The following RAB7A variants were observed in gnomAD, a reference collection of about 807,000 sequenced individuals.
The protein encoded by RAB7A is RAB7A, member RAS oncogene family.
Under a neutral mutation model 24.5 loss-of-function variants are expected in RAB7A, and 2 were observed. The observed-to-expected ratio is 0.08, with a 90% CI of 0.03 to 0.26. RAB7A has a LOEUF of 0.26. Among genes scored for constraint, RAB7A ranks in the 10% least tolerant of loss-of-function variants. RAB7A has a pLI of 1.00. For synonymous variants in RAB7A, 100 were observed against 95.9 expected, an observed-to-expected ratio of 1.04 and a Z score of -0.25; for missense variants, 118 against 255.7, an observed-to-expected ratio of 0.46 and a Z score of 3.67.
chr3:128,812,432 A>C (rs1933947778), intron 5 of RAB7A, among the ~76,000 whole-genome samples: 1 of 152,058 alleles, frequency 6.6e-6, no homozygotes, highest in African/African-American at 2.4e-5. Flanking sequence ...TTATTTTTTT[A>C]AGTATGTATT....
chr3:128,733,487 C>T (rs2070457924), intron 1 of RAB7A, among the ~76,000 whole-genome samples: 1 of 152,320 alleles, frequency 6.6e-6, no homozygotes, highest in Middle Eastern at 3.4e-3. Context: ...GCTGCCGTAA[C>T]AAGTATCACA....
At chr3:128,787,435 TC>T (rs1423127664) in intron 1 of RAB7A, among the ~76,000 whole-genome samples, 4 of 152,292 alleles carry the variant, frequency 2.6e-5, no homozygotes, top group Admixed American at 6.5e-5. Context: ...TTGTTAAAAG[TC>T]CCAGCCCTCA....
At chr3:128,736,618 A>G (rs915396072) in intron 1 of RAB7A, among the ~76,000 whole-genome samples, 1 of 152,226 alleles carries the variant, frequency 6.6e-6, no homozygotes, top group Non-Finnish European at 1.5e-5. Context: ...CAGCACGTAC[A>G]GTTTAAATCC....
chr3:128,758,868 A>T (rs1223137347), intron 1 of RAB7A, among the ~76,000 whole-genome samples: 1 of 152,166 alleles, frequency 6.6e-6, no homozygotes, highest in Non-Finnish European at 1.5e-5. Context: ...CTTAAGATTT[A>T]ACATATGAGT....
At chr3:128,756,343 C>G (rs1389744536) in intron 1 of RAB7A, among the ~76,000 whole-genome samples, 1 of 148,970 alleles carries the variant, frequency 6.7e-6, no homozygotes, top group Non-Finnish European at 1.5e-5. Flanking sequence ...GCCTGGGCAA[C>G]AGAGCAAGAC....
At chr3:128,761,288 A>C (rs892160376) in intron 1 of RAB7A, among the ~76,000 whole-genome samples, 4 of 152,144 alleles carry the variant, frequency 2.6e-5, no homozygotes, top group Admixed American at 2.6e-4. Context: ...TTGTGTTGAG[A>C]GTTTCTTTTG....
At chr3:128,746,164 C>G (rs2070612466) in intron 1 of RAB7A, among the ~76,000 whole-genome samples, 1 of 152,222 alleles carries the variant, frequency 6.6e-6, no homozygotes, top group Non-Finnish European at 1.5e-5. Flanking sequence ...ACATTGTACC[C>G]TTTGATAAAC....
chr3:128,727,059 G>A (rs541600000), intron 1 of RAB7A, among the ~76,000 whole-genome samples: 56 of 152,292 alleles, frequency 3.7e-4, no homozygotes, highest in Non-Finnish European at 5.7e-4. Context: ...CCGTGTTTGG[G>A]GCCTCTTTCT....
chr3:128,808,289 G>A (rs970135203), intron 5 of RAB7A, among the ~76,000 whole-genome samples: 2 of 152,038 alleles, frequency 1.3e-5, no homozygotes, highest in African/African-American at 2.4e-5. Context: ...GAACCCAGGC[G>A]GCAGAGGTTG....
In RAB7A at chr3:128,810,815, AGGCTGAGGCGGGT is replaced by A. The variant is rs537335537; in HGVS notation, c.529-2509_529-2497del. Among the ~76,000 whole-genome samples, 303 of 152,308 alleles carry A rather than the reference AGGCTGAGGCGGGT, an allele frequency of 2.0e-3. 1 individual carries two copies. The highest frequency in any genetic ancestry group is 7.0e-3 in the African/African-American group (289 of 41,570). On this transcript the variant is annotated intron_variant, in intron 5 of 5. Coordinates refer to ENST00000265062, the MANE Select transcript of RAB7A (RefSeq NM_004637.6). ...ATGCCTGTAATCCCAGCACTTCGGG[AGGCTGAGGCGGGT>A]GGATCACCTTAGGTCAGGAGTTCAA...
chr3:128,782,541 C>T (rs1215481899), intron 1 of RAB7A, among the ~76,000 whole-genome samples: 1 of 152,036 alleles, frequency 6.6e-6, no homozygotes, highest in East Asian at 1.9e-4. Flanking sequence ...CCAGTAGTAA[C>T]AGCAAAAGTG....
Position 128,784,946 on chromosome 3 carries a change from A to AT in RAB7A, c.-8-10396dup, listed in dbSNP as rs11287809. Reference sequence around the variant, plus strand: ...GCTTAAGAGTTCTATTCATGGCATGATTTTTTTTTTTTTTTTTTGGAGACA... The same window carrying AT: ...GCTTAAGAGTTCTATTCATGGCATGATTTTTTTTTTTTTTTTTTTGGAGACA... On this transcript the variant is annotated intron_variant, in intron 1 of 5. Transcript: ENST00000265062. Among the ~76,000 whole-genome samples the AT allele has an allele frequency of 4.8e-3, 653 of 135,352 alleles. 7 individuals are homozygous for AT. The highest frequency in any genetic ancestry group is 0.018 in the East Asian group (83 of 4,702). The allele number at this position is 135,352 out of a possible 152,430, so 88.8% of individuals were successfully genotyped here. A position where few individuals can be genotyped will look rare whatever the true frequency, so the allele number is the denominator to read the frequency against.
At chr3:128,797,884 C>A in intron 2 of RAB7A, 59 bp from the exon 3 acceptor site, 2 of 1,582,840 alleles carry the variant, frequency 1.3e-6, no homozygotes, top group Non-Finnish European at 1.7e-6. Flanking sequence ...TCAAGTAATT[C>A]GTGTCAGTTT....
intron 5 of RAB7A, among the ~76,000 whole-genome samples, chr3:128,809,870 C>CATGTTCCCTT (rs1195448061): frequency 6.7e-6 from 1 of 148,848 alleles, no homozygotes; most frequent in Non-Finnish European, 1.5e-5. Context: ...ATGTCCATGC[C>CATGTTCCCTT]ATGTTCCCTT....
chr3:128,795,750 G>GTTTTTTTTTTTTTTTTTTTT (rs1491091651), intron 2 of RAB7A, among the ~76,000 whole-genome samples: 10 of 6,866 alleles, frequency 1.5e-3, no homozygotes, highest in South Asian at 0.014. Flanking sequence ...TAGCAGATGT[G>GTTTTTTTTTTTTTTTTTTTT]CTTTTTTTTT....
intron 1 of RAB7A, among the ~76,000 whole-genome samples, chr3:128,783,075 C>G (rs1676593753): frequency 6.6e-6 from 1 of 152,192 alleles, no homozygotes; most frequent in Non-Finnish European, 1.5e-5. Context: ...TCTCCATCAT[C>G]TCTTACTTGG....
chr3:128,798,465 T>A (rs1933623482), intron 3 of RAB7A: 1 of 196,292 alleles, frequency 5.1e-6, no homozygotes. Context: ...AGACATAAAC[T>A]TTATTTTTCT....
intron 1 of RAB7A, among the ~76,000 whole-genome samples, chr3:128,789,389 G>T (rs537279105): frequency 2.7e-5 from 4 of 149,338 alleles, no homozygotes; most frequent in African/African-American, 5.0e-5. Context: ...AGGCTGGAGC[G>T]CAGTGATGCG....
intron 1 of RAB7A, among the ~76,000 whole-genome samples, chr3:128,742,277 C>T (rs150532839): frequency 2.6e-4 from 39 of 152,244 alleles, no homozygotes; most frequent in African/African-American, 8.9e-4. Context: ...CAGACCTTCT[C>T]AGTGAGTGTT....
Sources: allele counts gnomAD v4.1 joint callset (sites outside exome capture counted in the v4.1 genomes callset), GRCh38; gene constraint gnomAD v4.1.1; transcripts MANE v1.5; gene names NCBI Gene and HGNC (gene_info 2026-07-23, HGNC 2026-07-21).